The following ZNF521 variants were observed in gnomAD, a reference collection of about 807,000 sequenced individuals.
ZNF521 encodes zinc finger protein 521.
ZNF521 carries 14 observed loss-of-function variants against 105.5 expected under a neutral mutation model. The observed-to-expected ratio is 0.13, with a 90% CI of 0.09 to 0.21. The LOEUF is 0.21. ZNF521 is among the 10% of genes least tolerant of loss of function. The pLI, the probability that ZNF521 is intolerant of heterozygous loss-of-function variation, is 1.00. For missense variants in ZNF521, 1,233 were observed against 1,629.7 expected, an observed-to-expected ratio of 0.76 and a Z score of 4.19; for synonymous variants, 635 against 606.0, an observed-to-expected ratio of 1.05 and a Z score of -0.70.
chr18:25,146,074 G>A (rs936424830), intron 5 of ZNF521, among the ~76,000 whole-genome samples: 13 of 152,108 alleles, frequency 8.5e-5, no homozygotes, highest in Admixed American at 7.2e-4. Flanking sequence ...TTATTAGTTA[G>A]CTATTATTAT....
chr18:25,294,734 A>G (rs1299656818), intron 3 of ZNF521, among the ~76,000 whole-genome samples: 1 of 151,820 alleles, frequency 6.6e-6, no homozygotes, highest in East Asian at 1.9e-4. Flanking sequence ...CCATGCTTGT[A>G]ATCCCAGCTA....
intron 3 of ZNF521, chr18:25,231,518 G>A (rs1041517570): frequency 2.6e-5 from 4 of 152,312 alleles, no homozygotes; most frequent in Non-Finnish European, 5.9e-5. Flanking sequence ...CTGGGGAGGA[G>A]GAAGCAGAGA....
At chr18:25,207,492 A>T (rs1448835866) in intron 4 of ZNF521, among the ~76,000 whole-genome samples, 4 of 152,128 alleles carry the variant, frequency 2.6e-5, no homozygotes, top group Non-Finnish European at 4.4e-5. Context: ...TTCATTTCCC[A>T]GTGTACACTT....
At chr18:25,099,836 C>T (rs943756319) in intron 5 of ZNF521, among the ~76,000 whole-genome samples, 2 of 152,180 alleles carry the variant, frequency 1.3e-5, no homozygotes, top group Non-Finnish European at 2.9e-5. Context: ...GAGTACTGTA[C>T]AAAACCCCCA....
intron 5 of ZNF521, among the ~76,000 whole-genome samples, chr18:25,130,101 A>G (rs894856815): frequency 1.3e-5 from 2 of 152,194 alleles, no homozygotes; most frequent in Non-Finnish European, 2.9e-5. Context: ...ATGTCTTTCA[A>G]TAGATAAATG....
chr18:25,246,091 G>C (rs895577165), intron 3 of ZNF521, among the ~76,000 whole-genome samples: 1 of 152,118 alleles, frequency 6.6e-6, no homozygotes, highest in African/African-American at 2.4e-5. Flanking sequence ...TGGGAGGAGG[G>C]GGGAGGGATG....
At chr18:25,274,033 A>G (rs1208996040) in intron 3 of ZNF521, among the ~76,000 whole-genome samples, 1 of 152,188 alleles carries the variant, frequency 6.6e-6, no homozygotes, top group Non-Finnish European at 1.5e-5. Flanking sequence ...TAGCTGGTGG[A>G]AGATTAAAAG....
chr18:25,270,822 A>G (rs917790100), intron 3 of ZNF521, among the ~76,000 whole-genome samples: 2 of 152,228 alleles, frequency 1.3e-5, no homozygotes, highest in African/African-American at 4.8e-5. Flanking sequence ...CTAATATCAT[A>G]CTGAATGGGC....
chr18:25,115,812 T>C (rs9961764), intron 5 of ZNF521, among the ~76,000 whole-genome samples: 76,209 of 152,004 alleles, frequency 0.5, 19,380 homozygotes, highest in South Asian at 0.66. Context: ...GGAGTTGAGG[T>C]TGCTCAAGGC....
intron 5 of ZNF521, among the ~76,000 whole-genome samples, chr18:25,176,920 G>A (rs2035545302): frequency 6.6e-6 from 1 of 152,296 alleles, no homozygotes; most frequent in Non-Finnish European, 1.5e-5. Context: ...CGGCGCTGGC[G>A]TGGAACCTGG....
chr18:25,252,996 C>T (rs992513126), intron 3 of ZNF521, among the ~76,000 whole-genome samples: 2 of 152,146 alleles, frequency 1.3e-5, no homozygotes, highest in Non-Finnish European at 2.9e-5. Context: ...ACTTCCTTCA[C>T]GCAGTAGTTA....
rs747768642 is a variant in ZNF521 at position 25,204,764 on chromosome 18, G to A, written c.3574-9520C>T. ...GGCTTACTCTCCTCCTTCACATTTT[G>A]GAGTCTCTTCCAAGGGACCAACTCA... On this transcript the variant is annotated intron_variant, in intron 4 of 7. Coordinates refer to ENST00000361524, the MANE Select transcript of ZNF521 (RefSeq NM_015461.3). 7.2e-5 allele frequency among the ~76,000 whole-genome samples: 11 copies of A among 151,866 alleles called. 1 individual carries two copies. The highest frequency in any genetic ancestry group is 6.3e-4 in the South Asian group (3 of 4,796).
intron 7 of ZNF521, among the ~76,000 whole-genome samples, chr18:25,063,753 C>A (rs2032975444): frequency 6.6e-6 from 1 of 152,138 alleles, no homozygotes; most frequent in African/African-American, 2.4e-5. Context: ...CTGGAGATGG[C>A]CTGATCTCCA....
intron 5 of ZNF521, among the ~76,000 whole-genome samples, chr18:25,167,569 C>T (rs992132198): frequency 1.3e-5 from 2 of 152,100 alleles, no homozygotes; most frequent in African/African-American, 2.4e-5. Context: ...CCTCAAAAAC[C>T]TTCTTGGTCT....
intron 5 of ZNF521, among the ~76,000 whole-genome samples, chr18:25,156,970 G>A (rs774147312): frequency 1.3e-4 from 20 of 152,030 alleles, no homozygotes; most frequent in South Asian, 2.1e-4. Flanking sequence ...AGGCCGAGGC[G>A]GGCAGATCAC....
intron 5 of ZNF521, among the ~76,000 whole-genome samples, chr18:25,179,895 A>T (rs777919763): frequency 5.5e-4 from 83 of 152,180 alleles, no homozygotes; most frequent in Non-Finnish European, 9.0e-4. Context: ...GACGACAAAA[A>T]TTTATCTTTA....
rs1411551586 is a variant in ZNF521 at position 25,225,000 on chromosome 18, G to T, written c.2918C>A (p.Thr973Asn). The change falls in exon 4 of 8, where the codon ACT becomes AAT. Residue 973 changes from threonine (T) to asparagine (N), a missense_variant. Coordinates refer to ENST00000361524, the MANE Select transcript of ZNF521 (RefSeq NM_015461.3). ...ATGCGTGACTTTGTGTTCAGTAAGA[G>T]TTAAAAGGGAGGGAAACCGCTCTCC... ...ICGERFPSLL[T>N]LTEHKVTHSK... is the part of the protein sequence containing the mutation. 1 of 1,614,044 alleles carries T rather than the reference G, an allele frequency of 6.2e-7. No individual in the cohort carries two copies. Among genetic ancestry groups the T allele is most frequent in the Admixed American group, 1.7e-5 (1 of 60,008 alleles).
chr18:25,208,926 T>A (rs997227226), intron 4 of ZNF521, among the ~76,000 whole-genome samples: 2 of 152,186 alleles, frequency 1.3e-5, no homozygotes, highest in Non-Finnish European at 2.9e-5. Context: ...TAATACAGCT[T>A]ATTTTTGCTT....
At chr18:25,231,078 A>T (rs1424971192) in intron 3 of ZNF521, among the ~76,000 whole-genome samples, 1 of 152,212 alleles carries the variant, frequency 6.6e-6, no homozygotes, top group Non-Finnish European at 1.5e-5. Context: ...AGTAAATAAA[A>T]GAGGTCCTTA....
Sources: allele counts gnomAD v4.1 joint callset (sites outside exome capture counted in the v4.1 genomes callset), GRCh38; gene constraint gnomAD v4.1.1; transcripts MANE v1.5; gene names NCBI Gene and HGNC (gene_info 2026-07-23, HGNC 2026-07-21).